Variants in PDS5A observed in about 807,000 individuals in gnomAD.
PDS5A encodes PDS5 cohesin associated factor A.
PDS5A carries 42 observed loss-of-function variants against 167.1 expected under a neutral mutation model. That is an observed-to-expected ratio of 0.25 (90% CI 0.20 to 0.33). The LOEUF is 0.33. PDS5A is among the 10% of genes least tolerant of loss of function. PDS5A has a pLI of 1.00. For synonymous variants in PDS5A, 553 were observed against 554.6 expected (o/e 1.00, Z 0.04); for missense variants, 1,033 against 1,605.9 (o/e 0.64, Z 6.10).
chr4:39,945,412 G>A (rs1420042497), intron 2 of PDS5A, among the ~76,000 whole-genome samples: 3 of 136,242 alleles, frequency 2.2e-5, no homozygotes, highest in African/African-American at 8.4e-5. Context: ...AGTGAGCAGA[G>A]ATCACGCCAT....
intron 2 of PDS5A, among the ~76,000 whole-genome samples, chr4:39,962,054 T>C (rs1489162164): frequency 1.4e-5 from 2 of 147,484 alleles, no homozygotes; most frequent in Non-Finnish European, 3.0e-5. Flanking sequence ...CACTCAATTC[T>C]GAGTTTTTGT....
chr4:39,970,404 G>A (rs1225653562), intron 2 of PDS5A, among the ~76,000 whole-genome samples: 1 of 149,428 alleles, frequency 6.7e-6, no homozygotes, highest in East Asian at 2.0e-4. Flanking sequence ...TATTGTCAAC[G>A]AAGCTTCAAA....
At chr4:39,868,532 T>C (rs1365289285) in intron 22 of PDS5A, 1 of 377,162 alleles carries the variant, frequency 2.7e-6, no homozygotes, top group African/African-American at 2.1e-5. Context: ...TTTCACCATG[T>C]TGTCCAGACT....
intron 13 of PDS5A, among the ~76,000 whole-genome samples, chr4:39,901,266 C>CTTTTTTTTT (rs772230554): frequency 7.5e-4 from 91 of 121,274 alleles, no homozygotes; most frequent in Non-Finnish European, 9.5e-4. Context: ...TCTTTTCTTT[C>CTTTTTTTTT]TTTTTTTTTT....
At chr4:39,903,749 C>T (rs1209358511) in intron 12 of PDS5A, among the ~76,000 whole-genome samples, 2 of 152,102 alleles carry the variant, frequency 1.3e-5, no homozygotes, top group Non-Finnish European at 2.9e-5. Flanking sequence ...TAAGAATACA[C>T]ATCTAATAAA....
At chr4:39,942,850 C>T (rs1727351908) in intron 2 of PDS5A, among the ~76,000 whole-genome samples, 1 of 152,006 alleles carries the variant, frequency 6.6e-6, no homozygotes, top group Admixed American at 6.6e-5. Flanking sequence ...CTCAAGAAGA[C>T]ACTAATCCCA....
chr4:39,860,832 A>G (rs141310598), intron 26 of PDS5A, among the ~76,000 whole-genome samples: 6 of 152,090 alleles, frequency 3.9e-5, no homozygotes, highest in African/African-American at 1.4e-4. Context: ...CACTTCAGGA[A>G]GCTGAGGCAG....
intron 2 of PDS5A, among the ~76,000 whole-genome samples, chr4:39,952,725 A>ATTTTTTTTT (rs35943320): frequency 7.8e-6 from 1 of 128,270 alleles, no homozygotes; most frequent in Non-Finnish European, 1.6e-5. Context: ...CAGATCTGGA[A>ATTTTTTTTT]TTTTTTTTTT....
intron 26 of PDS5A, among the ~76,000 whole-genome samples, chr4:39,852,410 GCTT>G (rs779142272): frequency 6.6e-5 from 10 of 151,956 alleles, no homozygotes; most frequent in Non-Finnish European, 1.3e-4. Context: ...ATGATCCTCT[GCTT>G]CTTCTTGCCT....
Position 39,902,379 on chromosome 4 carries a change from G to T in PDS5A, c.1467C>A (p.Tyr489Ter). 1 of 1,565,598 alleles carries T rather than the reference G, an allele frequency of 6.4e-7. No homozygotes were observed. Among genetic ancestry groups the T allele is most frequent in the Non-Finnish European group, 8.8e-7 (1 of 1,140,728 alleles). The change falls in exon 13 of 33, where the codon TAC becomes TAA. Residue 489 changes from tyrosine (Y) to a stop codon, truncating the protein, a stop_gained. Coordinates refer to ENST00000303538, the MANE Select transcript of PDS5A (RefSeq NM_001100399.2). LOFTEE classifies it high-confidence loss of function. ...CATTTGGATCCAAACTAGCATATAA[G>T]TAATATAAGCATTTCATTCTCTCTT... ...ETEERMKCLY[Y>*]LYASLDPNAV...
intron 21 of PDS5A, among the ~76,000 whole-genome samples, chr4:39,870,484 G>A (rs901403159): frequency 6.6e-6 from 1 of 152,068 alleles, no homozygotes; most frequent in Admixed American, 6.6e-5. Flanking sequence ...CTACTCAGGA[G>A]GCTGAGGCAG....
chr4:39,932,460 C>G (rs73229718), intron 2 of PDS5A: 23,504 of 218,868 alleles, frequency 0.11, 1,534 homozygotes, highest in East Asian at 0.22. Flanking sequence ...TACACACAAC[C>G]AAGGGGAGAA....
chr4:39,973,175 C>CCT, intron 2 of PDS5A: 1 of 1,058,862 alleles, frequency 9.4e-7, no homozygotes, highest in Non-Finnish European at 1.5e-6. Context: ...TTCTGGGTAG[C>CCT]CTCTTTAGCT....
At chr4:39,923,111 C>A (rs1228121980) in intron 5 of PDS5A, among the ~76,000 whole-genome samples, 1 of 151,892 alleles carries the variant, frequency 6.6e-6, no homozygotes, top group Non-Finnish European at 1.5e-5. Context: ...GGTGGATCAC[C>A]TGACATCAGG....
chr4:39,825,049 A>C lies in PDS5A; in HGVS notation c.*436T>G, dbSNP rs1024777249. 11 of 155,824 alleles carry C rather than the reference A, an allele frequency of 7.1e-5. No homozygotes were observed. Among genetic ancestry groups the C allele is most frequent in the Non-Finnish European group, 2.8e-5 (2 of 70,364 alleles). The allele number at this position is 155,824 out of a possible 1,614,324, so 9.7% of individuals were successfully genotyped here. A position where few individuals can be genotyped will look rare whatever the true frequency, so the allele number is the denominator to read the frequency against. On this transcript the variant is annotated 3_prime_UTR_variant, in exon 33 of 33. Transcript: ENST00000303538. ...GTAGACTTCTATTTTTTCCTGTGTA[A>C]CATGGGAATTCCTGGCTCTAAAATG...
At chr4:39,952,597 T>C (rs1728516667) in intron 2 of PDS5A, among the ~76,000 whole-genome samples, 2 of 152,118 alleles carry the variant, frequency 1.3e-5, no homozygotes, top group Non-Finnish European at 2.9e-5. Context: ...AATAGCTTAC[T>C]GTGATAATAC....
chr4:39,930,247 G>GGT (rs1725914090), intron 2 of PDS5A, among the ~76,000 whole-genome samples: 2 of 61,952 alleles, frequency 3.2e-5, no homozygotes, highest in African/African-American at 5.6e-5. Flanking sequence ...AAAAAAAAAA[G>GGT]TTTTTTTGTT....
intron 28 of PDS5A, chr4:39,847,043 A>G (rs1057495129): frequency 6.6e-6 from 1 of 152,226 alleles, no homozygotes; most frequent in African/African-American, 2.4e-5. Flanking sequence ...AACACATTAA[A>G]AGCAACATGT....
rs1254115439 is a variant in PDS5A at position 39,874,338 on chromosome 4, A to G, written c.2228T>C (p.Ile743Thr). ...PHQAKQAVHC[I>T]HAIFTNKEVQ... ...TTCTTTATTTGTGAATATGGCGTGT[A>G]TACAGTGCACAGCCTGTTTTGCTTG... The change falls in exon 20 of 33, where the codon ATA becomes ACA. Residue 743 changes from isoleucine (I) to threonine (T), a missense_variant. This residue lies in a region of PDS5A where 367 missense variants were observed against 686.7 expected (regional missense o/e 0.53). Transcript: ENST00000303538. 6.2e-7 allele frequency: 1 copy of G among 1,613,134 alleles called. No homozygotes were observed. Among genetic ancestry groups the G allele is most frequent in the Non-Finnish European group, 8.5e-7 (1 of 1,179,134 alleles).
Sources: gnomAD v4.1 joint callset for allele counts (sites outside exome capture counted in the v4.1 genomes callset) on GRCh38, gnomAD v4.1.1 for gene constraint, gnomAD v4.1.1 regional missense constraint, MANE v1.5 for transcripts, NCBI Gene and HGNC (gene_info 2026-07-23, HGNC 2026-07-21) for gene names.